The following ACAT2 variants were observed in gnomAD, a reference collection of about 807,000 sequenced individuals.
ACAT2 encodes acetyl-CoA acetyltransferase 2.
ACAT2 carries 26 observed loss-of-function variants against 37.1 expected under a neutral mutation model. That is an observed-to-expected ratio of 0.70 (90% CI 0.51 to 0.97). The LOEUF is 0.97. Among genes scored for constraint, ACAT2 ranks in the 50% least tolerant of loss-of-function variants. The pLI is 0.00. For synonymous variants in ACAT2, 156 were observed against 163.6 expected, an observed-to-expected ratio of 0.95 and a Z score of 0.35; for missense variants, 468 against 489.0, an observed-to-expected ratio of 0.96 and a Z score of 0.40.
chr6:159,769,054 G>A (rs749838740), intron 4 of ACAT2, among the ~76,000 whole-genome samples: 1 of 152,184 alleles, frequency 6.6e-6, no homozygotes, highest in Non-Finnish European at 1.5e-5. Context: ...AAGCACTCTT[G>A]TCTTTAGTAT....
intron 2 of ACAT2, among the ~76,000 whole-genome samples, chr6:159,764,661 A>G (rs1451914468): frequency 6.6e-6 from 1 of 152,054 alleles, no homozygotes; most frequent in African/African-American, 2.4e-5. Context: ...CCTGGGCGTG[A>G]GTGCAATGGC....
intron 5 of ACAT2, chr6:159,775,669 G>A (rs999591349): frequency 2.3e-5 from 5 of 215,666 alleles, no homozygotes; most frequent in South Asian, 2.0e-4. Flanking sequence ...ATTACTTCTC[G>A]CTGTTTCTGT....
At position 159,778,838 on chromosome 6, in the gene ACAT2, A is replaced by C; in HGVS notation, c.*9A>C. The C allele has an allele frequency of 6.2e-7, 1 of 1,614,036 alleles. No individual in the cohort carries two copies. Among genetic ancestry groups the C allele is most frequent in the Non-Finnish European group, 8.5e-7 (1 of 1,179,910 alleles). ...GTGTTCAGAGAGAATGAATTGCTTA[A>C]ACTTTGAACAACCTCAATTTCTTTT... On this transcript the variant is annotated 3_prime_UTR_variant, in exon 9 of 9. Transcript: ENST00000367048.
chr6:159,762,534 TGGGG>T, intron 1 of ACAT2: 1 of 1,305,470 alleles, frequency 7.7e-7, no homozygotes, highest in South Asian at 1.4e-5. Context: ...GGCTTTGGGC[TGGGG>T]TCGGGCTGTC....
Position 159,778,787 on chromosome 6 carries a change from T to C in ACAT2, c.1152T>C (p.Ile384=), listed in dbSNP as rs1363740629. ...GTCGTGGTGTTGCAGCCCTGTGCATTGGGGGTGGGATGGGAATAGCAATGT... is the reference window on the plus strand; with the variant it reads ...GTCGTGGTGTTGCAGCCCTGTGCATCGGGGGTGGGATGGGAATAGCAATGT... ...GRSRGVAALC[I]GGGMGIAMCV... Residue 384 remains isoleucine, a synonymous_variant, in exon 9 of 9, where the codon ATT becomes ATC. Transcript: ENST00000367048. The C allele has an allele frequency of 3.6e-5, 58 of 1,614,028 alleles. No homozygotes were observed. Among genetic ancestry groups the C allele is most frequent in the Non-Finnish European group, 4.8e-5 (57 of 1,180,038 alleles).
At chr6:159,774,840 T>C (rs940010824) in intron 4 of ACAT2, among the ~76,000 whole-genome samples, 1 of 152,214 alleles carries the variant, frequency 6.6e-6, no homozygotes, top group African/African-American at 2.4e-5. Context: ...AGGCATTGTA[T>C]CTCCAACTTT....
rs753932907 is a variant in ACAT2, at chr6:159,777,457, G to GT, written c.912+2dup. The GT allele has an allele frequency of 2.5e-6, 4 of 1,612,430 alleles. No homozygotes were observed. Among genetic ancestry groups the GT allele is most frequent in the South Asian group, 1.1e-5 (1 of 90,796 alleles). ...ACCAATTCCAGCCATAAAGCAAGCT[G>GT]TGAGTATAACCCTATTCCCTTTTAT... On this transcript the variant is annotated splice_donor_variant, in intron 7 of 8. Coordinates refer to ENST00000367048, the MANE Select transcript of ACAT2 (RefSeq NM_005891.3). LOFTEE classifies it high-confidence loss of function.
intron 2 of ACAT2, among the ~76,000 whole-genome samples, chr6:159,764,380 G>T (rs1780220288): frequency 6.6e-6 from 1 of 152,084 alleles, no homozygotes; most frequent in Non-Finnish European, 1.5e-5. Flanking sequence ...GCTGAGTCCT[G>T]AGAGTGCCCC....
chr6:159,775,276 CAA>C lies in ACAT2; in HGVS notation c.599_600del (p.Lys200ArgfsTer10). On this transcript the variant is annotated frameshift_variant, in exon 5 of 9. Transcript: ENST00000367048. LOFTEE classifies it high-confidence loss of function. ...ATGCACAGAAAGCTGGCCATTTTGA[CAA>C]AGAGATTGTACCAGTTTTGGTGTCA... ...ENAQKAGHFDKEIVPVLVSTR... is the reference protein window; with the variant it reads ...ENAQKAGHFDXEIVPVLVSTR... 4.3e-6 allele frequency: 7 copies of C among 1,614,044 alleles called. No homozygotes were observed. Among genetic ancestry groups the C allele is most frequent in the Middle Eastern group, 1.6e-4 (1 of 6,062 alleles).
At chr6:159,771,947 C>T (rs547814789) in intron 4 of ACAT2, among the ~76,000 whole-genome samples, 10 of 152,248 alleles carry the variant, frequency 6.6e-5, no homozygotes, top group South Asian at 2.1e-4. Context: ...AGCTTCCAGC[C>T]GGGCGCGGTG....
chr6:159,763,142 A>C (rs1486621913), intron 2 of ACAT2, 89 bp downstream of exon 2: 5 of 1,483,532 alleles, frequency 3.4e-6, no homozygotes, highest in Non-Finnish European at 1.8e-6. Flanking sequence ...ACACTCACAC[A>C]CTCTCTCACT....
chr6:159,769,331 A>G (rs913274669), intron 4 of ACAT2, among the ~76,000 whole-genome samples: 9 of 152,218 alleles, frequency 5.9e-5, no homozygotes, highest in African/African-American at 1.9e-4. Flanking sequence ...GCCACAACAG[A>G]GAAGGCTATA....
At chr6:159,771,220 A>G (rs1452303124) in intron 4 of ACAT2, among the ~76,000 whole-genome samples, 1 of 151,948 alleles carries the variant, frequency 6.6e-6, no homozygotes, top group Non-Finnish European at 1.5e-5. Flanking sequence ...CATCTCTACT[A>G]AAAATACAAA....
rs767416258 is a variant in ACAT2, at chr6:159,778,716, C to T, written c.1081C>T (p.Arg361Ter). Residue 361 changes from arginine (R) to a stop codon, truncating the protein, a stop_gained, in exon 9 of 9, where the codon CGA (arginine) becomes TGA (stop). Coordinates refer to ENST00000367048, the MANE Select transcript of ACAT2 (RefSeq NM_005891.3). LOFTEE classifies it high-confidence loss of function. ...LGHPLGASGC[R>*]ILVTLLHTLE... Reference sequence around the variant, plus strand: ...CCACCCTCTTGGAGCATCTGGCTGTCGAATTCTTGTGACCCTGTTACACAC... The same window carrying T: ...CCACCCTCTTGGAGCATCTGGCTGTTGAATTCTTGTGACCCTGTTACACAC... 6.2e-6 allele frequency: 10 copies of T among 1,614,050 alleles called. No individual in the cohort carries two copies. The highest frequency in any genetic ancestry group is 4.5e-5 in the East Asian group (2 of 44,890).
chr6:159,762,572 T>G, intron 1 of ACAT2: 1 of 1,344,434 alleles, frequency 7.4e-7, no homozygotes, highest in Non-Finnish European at 9.7e-7. Context: ...AAGTCGTGAC[T>G]TCGTCTCCTT....
Position 159,762,954 on chromosome 6 carries a change from C to G in ACAT2, c.91C>G (p.Gln31Glu), listed in dbSNP as rs769532663. Residue 31 changes from glutamine (Q) to glutamate (E), a missense_variant, in exon 2 of 9, where the codon CAG (glutamine) becomes GAG (glutamate). Physicochemically the swap from Gln to Glu is conservative, Grantham distance 29. Transcript: ENST00000367048. The part of the protein sequence containing the change: ...FNGALAAVPV[Q>E]DLGSTVIKEV... ...TGGTGCCTTAGCTGCTGTTCCTGTC[C>G]AGGACCTGGGCTCCACTGTCATCAA... 1 of 1,614,034 alleles carries G rather than the reference C, an allele frequency of 6.2e-7. No individual in the cohort carries two copies. Among genetic ancestry groups the G allele is most frequent in the African/African-American group, 1.3e-5 (1 of 75,038 alleles).
At chr6:159,776,116 A>G (rs1324704281) in intron 5 of ACAT2, 34 bp from the exon 6 acceptor site, 2 of 1,609,058 alleles carry the variant, frequency 1.2e-6, no homozygotes, top group Non-Finnish European at 1.7e-6. Flanking sequence ...CTGTCTCTGG[A>G]CTAATCTTGA....
chr6:159,776,305 C>G lies in ACAT2; in HGVS notation c.757+33C>G, dbSNP rs143995275. ...TTTCTGAAGGACATCTGGGGGAATA[C>G]TATGTTCTATAATGTCTACCGAGTG... On this transcript the variant is annotated intron_variant, in intron 6 of 8. Coordinates refer to ENST00000367048, the MANE Select transcript of ACAT2 (RefSeq NM_005891.3). 9,407 of 1,609,212 alleles carry G rather than the reference C, an allele frequency of 5.8e-3. 102 individuals carry two copies. Among genetic ancestry groups the G allele is most frequent in the Middle Eastern group, 0.05 (302 of 6,032 alleles).
At chr6:159,762,826 G>T in intron 1 of ACAT2, 93 bp from the exon 2 acceptor site, 1 of 1,596,168 alleles carries the variant, frequency 6.3e-7, no homozygotes. Flanking sequence ...GCGTGGCCTT[G>T]CCAAACAGGG....
Sources: gnomAD v4.1 joint callset for allele counts (sites outside exome capture counted in the v4.1 genomes callset) on GRCh38, gnomAD v4.1.1 for gene constraint, MANE v1.5 for transcripts, NCBI Gene and HGNC (gene_info 2026-07-23, HGNC 2026-07-21) for gene names.